The following ELOA variants were observed in gnomAD, a reference collection of about 807,000 sequenced individuals.
ELOA encodes elongin-A.
ELOA carries 15 observed loss-of-function variants against 85.2 expected under a neutral mutation model. The ratio of observed to expected loss-of-function variants is 0.18; its 90% CI spans 0.12 to 0.27. ELOA has a LOEUF of 0.27. Ranked by LOEUF, ELOA falls within the 10% of genes least tolerant of loss-of-function variation. ELOA has a pLI of 1.00. For missense variants in ELOA, 769 were observed against 952.7 expected (o/e 0.81, Z 2.54); for synonymous variants, 348 against 357.2 (o/e 0.97, Z 0.29).
At chr1:23,749,000 T>G (rs536414623) in intron 1 of ELOA, 21 bp from the exon 2 acceptor site, 2 of 1,604,770 alleles carry the variant, frequency 1.2e-6, no homozygotes, top group East Asian at 4.5e-5. Flanking sequence ...ACTATTGAAA[T>G]TAATGTTTTC....
intron 1 of ELOA, 83 bp from the exon 2 acceptor site, chr1:23,748,938 A>G: frequency 1.8e-6 from 2 of 1,082,994 alleles, no homozygotes; most frequent in South Asian, 1.3e-5. Context: ...ATTACTGTAA[A>G]TGGTTAGCAC....
At chr1:23,744,533 A>C (rs1644738448) in intron 1 of ELOA, among the ~76,000 whole-genome samples, 1 of 149,518 alleles carries the variant, frequency 6.7e-6, no homozygotes, top group African/African-American at 2.5e-5. Context: ...GGCTCACTGC[A>C]ACCTCCGTCT....
chr1:23,750,032 C>A, intron 3 of ELOA, 84 bp downstream of exon 3: 2 of 1,134,544 alleles, frequency 1.8e-6, no homozygotes, highest in Non-Finnish European at 2.5e-6. Context: ...TTCTCTTTTG[C>A]CTTCTGAAAT....
chr1:23,751,682 C>G lies in ELOA; in HGVS notation c.1077C>G (p.Pro359=). ...GAAAAGGAGCAGGAGACCTGTTGCC[C>G]AAGGTAAAAGAGAAGGGTTCTAACA... ...DTGKGAGDLL[P]KVKEKGSNNL... is the part of the protein sequence containing the mutation. Residue 359 remains proline, a synonymous_variant, in exon 4 of 11, where the codon CCC becomes CCG. Transcript: ENST00000613537. 1 of 1,614,042 alleles carries G rather than the reference C, an allele frequency of 6.2e-7. No individual in the cohort carries two copies. The highest frequency in any genetic ancestry group is 1.1e-5 in the South Asian group (1 of 91,066).
intron 5 of ELOA, 38 bp from the exon 6 acceptor site, chr1:23,754,062 G>T: frequency 6.2e-7 from 1 of 1,606,178 alleles, no homozygotes; most frequent in South Asian, 1.1e-5. Context: ...GTTTTCACTG[G>T]ATCACTTAGG....
chr1:23,744,726 A>C lies in ELOA; in HGVS notation c.75+1148A>C, dbSNP rs538444863. On this transcript the variant is annotated intron_variant, in intron 1 of 10. Coordinates refer to ENST00000613537, the MANE Select transcript of ELOA (RefSeq NM_003198.3). ...GAAGTACAACGATGAAAAAGCACTT[A>C]TGTGTTTGGCATTCTCCGTCATCAT... Among the ~76,000 whole-genome samples, 5 of 152,244 alleles carry C rather than the reference A, an allele frequency of 3.3e-5. No homozygotes were observed. In the South Asian group the frequency reaches 1.0e-3, roughly 32 times the overall value.
chr1:23,757,903 TG>T (rs1638222993), intron 10 of ELOA, among the ~76,000 whole-genome samples: 1 of 151,618 alleles, frequency 6.6e-6, no homozygotes, highest in African/African-American at 2.4e-5. Flanking sequence ...TAGCCCACCA[TG>T]GTGGCATGTG....
At chr1:23,743,632 G>GT in intron 1 of ELOA, 54 bp downstream of exon 1, 1 of 1,428,156 alleles carries the variant, frequency 7.0e-7, no homozygotes, top group Admixed American at 2.6e-5. Context: ...TGAGGGCCCC[G>GT]TAACGGTCGC....
chr1:23,745,193 G>A (rs951303210), intron 1 of ELOA, among the ~76,000 whole-genome samples: 8 of 152,182 alleles, frequency 5.3e-5, no homozygotes, highest in Admixed American at 2.0e-4. Context: ...CTAGTGGTCA[G>A]GCATACTTAC....
At chr1:23,756,649 C>T (rs1644795903) in intron 9 of ELOA, among the ~76,000 whole-genome samples, 1 of 152,220 alleles carries the variant, frequency 6.6e-6, no homozygotes, top group Non-Finnish European at 1.5e-5. Flanking sequence ...TTCCCTTATG[C>T]TTTCCCTTTT....
Position 23,743,556 on chromosome 1 carries a change from C to T in ELOA, c.53C>T (p.Ala18Val). 1.3e-6 allele frequency: 2 copies of T among 1,495,602 alleles called. No homozygotes were observed. The highest frequency in any genetic ancestry group is 8.9e-7 in the Non-Finnish European group (1 of 1,127,734). The allele number at this position is 1,495,602 out of a possible 1,614,324, so 92.6% of individuals were successfully genotyped here. A position where few individuals can be genotyped will look rare whatever the true frequency, so the allele number is the denominator to read the frequency against. The change falls in exon 1 of 11, where the codon GCC becomes GTC. Residue 18 changes from alanine to valine, a missense_variant. Ala to Val is a moderately conservative substitution (Grantham distance 64). Around this residue, in one of 4 missense-constraint regions of ELOA, gnomAD observed 440 missense variants for 474.0 expected, o/e 0.93. Transcript: ENST00000613537. ...QVVEKLQARL[A>V]ANPDPKKLLK... ...GTGGAGAAGCTGCAGGCGCGCCTGG[C>T]CGCGAACCCGGACCCTAAGAAGGTA...
Position 23,750,970 on chromosome 1 carries a change from G to A in ELOA, c.365G>A (p.Arg122Gln), listed in dbSNP as rs745402534. The A allele has an allele frequency of 1.5e-5, 25 of 1,613,896 alleles. No individual in the cohort carries two copies. Among genetic ancestry groups the A allele is most frequent in the African/African-American group, 6.7e-5 (5 of 74,934 alleles). ...YQETWKATGS[R>Q]SYSPDHRQKK... ...GAAACCTGGAAAGCCACGGGGAGCC[G>A]ATCCTATAGCCCTGACCACAGGCAG... Residue 122 changes from arginine (R) to glutamine (Q), a missense_variant, in exon 4 of 11, where the codon CGA becomes CAA. Coordinates refer to ENST00000613537, the MANE Select transcript of ELOA (RefSeq NM_003198.3).
Position 23,761,887 on chromosome 1 carries a change from A to G in ELOA, c.*2314A>G, listed in dbSNP as rs1557458425. ...TTCTTTGGGGCTTTTTCTTTCTGGG[A>G]AGCGGGAGGGAAAGGAGCAAGGTGT... On this transcript the variant is annotated 3_prime_UTR_variant, in exon 11 of 11. Coordinates refer to ENST00000613537, the MANE Select transcript of ELOA (RefSeq NM_003198.3). 6.6e-6 allele frequency: 1 copy of G among 152,078 alleles called. No homozygotes were observed. The highest frequency in any genetic ancestry group is 1.5e-5 in the Non-Finnish European group (1 of 68,022). The allele number at this position is 152,078 out of a possible 1,614,324, so 9.4% of individuals were successfully genotyped here. A position where few individuals can be genotyped will look rare whatever the true frequency, so the allele number is the denominator to read the frequency against.
rs567370511 is a variant in ELOA, at chr1:23,760,810, A to G, written c.*1237A>G. Reference sequence around the variant, plus strand: ...TGGGGGAAACCACATGGGATCCATCAAGTTCCAGTTGAACAGGAGCAAGAT... The same window carrying G: ...TGGGGGAAACCACATGGGATCCATCGAGTTCCAGTTGAACAGGAGCAAGAT... On this transcript the variant is annotated 3_prime_UTR_variant, in exon 11 of 11. Coordinates refer to ENST00000613537, the MANE Select transcript of ELOA (RefSeq NM_003198.3). 9 of 152,288 alleles carry G rather than the reference A, an allele frequency of 5.9e-5. No individual in the cohort carries two copies. The South Asian group carries it at 1.9e-3, about 32-fold the overall frequency. 9.4% of individuals were successfully genotyped at this position (152,288 alleles called of 1,614,324 possible).
At chr1:23,756,684 C>T (rs1000288484) in intron 9 of ELOA, among the ~76,000 whole-genome samples, 3 of 152,246 alleles carry the variant, frequency 2.0e-5, no homozygotes, top group African/African-American at 7.2e-5. Flanking sequence ...AAACACATTT[C>T]TGCAATGATT....
intron 10 of ELOA, among the ~76,000 whole-genome samples, chr1:23,758,995 CA>C (rs1336562565): frequency 6.6e-6 from 1 of 152,044 alleles, no homozygotes; most frequent in Non-Finnish European, 1.5e-5. Context: ...TGCTTGAGCC[CA>C]GGAGATCGAG....
At chr1:23,757,396 A>G (rs1644799023) in intron 10 of ELOA, among the ~76,000 whole-genome samples, 2 of 152,132 alleles carry the variant, frequency 1.3e-5, no homozygotes, top group Admixed American at 6.5e-5. Context: ...CCTTGAATCC[A>G]GGAGTTCAAG....
chr1:23,748,562 C>A lies in ELOA; in HGVS notation c.76-459C>A, dbSNP rs1053274336. 6.6e-5 allele frequency among the ~76,000 whole-genome samples: 10 copies of A among 152,280 alleles called. No homozygotes were observed. The East Asian group carries it at 1.2e-3, about 18-fold the overall frequency. ...AAACAATTCTGTTAAACACTGTGGC[C>A]CTTCTGGAAACATGATGGTCTTTTC... On this transcript the variant is annotated intron_variant, in intron 1 of 10. Coordinates refer to ENST00000613537, the MANE Select transcript of ELOA (RefSeq NM_003198.3).
At chr1:23,748,910 G>A (rs913390973) in intron 1 of ELOA, 111 bp from the exon 2 acceptor site, 5 of 774,056 alleles carry the variant, frequency 6.5e-6, no homozygotes, top group Admixed American at 4.6e-5. Context: ...ACTGTAAATA[G>A]GCATAATACT....
Sources: gnomAD v4.1 joint callset for allele counts (sites outside exome capture counted in the v4.1 genomes callset) on GRCh38, gnomAD v4.1.1 for gene constraint, gnomAD v4.1.1 regional missense constraint, MANE v1.5 for transcripts, NCBI Gene and HGNC (gene_info 2026-07-23, HGNC 2026-07-21) for gene names.